The following CNTN4 variants were observed in gnomAD, a reference collection of about 807,000 sequenced individuals.
CNTN4 encodes contactin 4, also known as contactin-4.
CNTN4 carries 77 observed loss-of-function variants against 122.5 expected under a neutral mutation model. The observed-to-expected ratio is 0.63, with a 90% CI of 0.52 to 0.76. The LOEUF is 0.76. CNTN4 is among the 30% of genes least tolerant of loss of function. The pLI is 0.00. For missense variants in CNTN4, 1,256 were observed against 1,259.1 expected (o/e 1.00, Z 0.04); for synonymous variants, 512 against 447.0 (o/e 1.15, Z -1.83).
At chr3:2,323,130 A>C (rs2043327212) in intron 2 of CNTN4, among the ~76,000 whole-genome samples, 1 of 152,116 alleles carries the variant, frequency 6.6e-6, no homozygotes, top group Non-Finnish European at 1.5e-5. Context: ...CAATAACAAC[A>C]ACCATATACC....
intron 4 of CNTN4, among the ~76,000 whole-genome samples, chr3:2,713,814 A>T (rs1033891724): frequency 4.6e-5 from 7 of 152,208 alleles, no homozygotes; most frequent in African/African-American, 1.7e-4. Flanking sequence ...TAGGCTTTAG[A>T]TTCTCACAGA....
intron 3 of CNTN4, among the ~76,000 whole-genome samples, chr3:2,421,541 C>T (rs554697846): frequency 5.3e-5 from 8 of 152,210 alleles, no homozygotes; most frequent in African/African-American, 1.9e-4. Flanking sequence ...TGTTAGCCAC[C>T]GCTCCCAGCC....
At chr3:2,470,609 A>G (rs79371514) in intron 3 of CNTN4, among the ~76,000 whole-genome samples, 5,420 of 152,146 alleles carry the variant, frequency 0.036, 304 homozygotes, top group African/African-American at 0.12. Flanking sequence ...GTCTGCCACC[A>G]TGAGAGGCCA....
chr3:2,961,224 C>T (rs2094854650), intron 13 of CNTN4, among the ~76,000 whole-genome samples: 1 of 50,074 alleles, frequency 2.0e-5, no homozygotes, highest in Non-Finnish European at 4.3e-5. Context: ...AACGAGACTC[C>T]ATCTCACAAA....
chr3:3,021,172 T>C (rs1203682951), intron 14 of CNTN4, among the ~76,000 whole-genome samples: 2 of 152,196 alleles, frequency 1.3e-5, no homozygotes. Flanking sequence ...GTGAAAAGGT[T>C]GGTCCCACTT....
chr3:2,388,893 C>G (rs1414635379), intron 3 of CNTN4, among the ~76,000 whole-genome samples: 4 of 150,116 alleles, frequency 2.7e-5, no homozygotes, highest in Non-Finnish European at 1.5e-5. Context: ...CGCAGTGTCT[C>G]ACGCCTGTAA....
chr3:2,582,118 T>A (rs2079969916), intron 4 of CNTN4, among the ~76,000 whole-genome samples: 1 of 152,196 alleles, frequency 6.6e-6, no homozygotes, highest in Non-Finnish European at 1.5e-5. Context: ...CACTTAACTG[T>A]ACATTTTAAA....
intron 5 of CNTN4, among the ~76,000 whole-genome samples, chr3:2,737,105 G>A (rs2149495915): frequency 6.6e-6 from 1 of 151,536 alleles, no homozygotes; most frequent in South Asian, 2.1e-4. Flanking sequence ...TTTCGAGACA[G>A]GGTCTCCCTC....
chr3:2,611,584 A>C (rs1028424881), intron 4 of CNTN4, among the ~76,000 whole-genome samples: 1 of 152,146 alleles, frequency 6.6e-6, no homozygotes, highest in Admixed American at 6.6e-5. Context: ...CGTTCACACC[A>C]TTCCTCTCTT....
chr3:2,924,311 C>T (rs1392276880), intron 12 of CNTN4, among the ~76,000 whole-genome samples: 2 of 151,620 alleles, frequency 1.3e-5, no homozygotes, highest in African/African-American at 4.8e-5. Flanking sequence ...CCCCCATTAC[C>T]CCCCAAGCCC....
At chr3:2,754,755 AAAAG>A (rs1219926644) in intron 6 of CNTN4, among the ~76,000 whole-genome samples, 2 of 150,390 alleles carry the variant, frequency 1.3e-5, no homozygotes, top group East Asian at 4.3e-4. Flanking sequence ...GAAAAAAAAA[AAAAG>A]AAAAGAAAAA....
intron 10 of CNTN4, among the ~76,000 whole-genome samples, chr3:2,895,840 C>T (rs546840249): frequency 2.6e-5 from 4 of 152,178 alleles, no homozygotes; most frequent in Non-Finnish European, 4.4e-5. Context: ...CGAGACCATC[C>T]TGGCTAACAG....
chr3:2,849,634 C>A (rs894493407), intron 7 of CNTN4, among the ~76,000 whole-genome samples: 1 of 152,142 alleles, frequency 6.6e-6, no homozygotes, highest in African/African-American at 2.4e-5. Flanking sequence ...TTGGCTGTTC[C>A]CTACTTTACA....
intron 2 of CNTN4, among the ~76,000 whole-genome samples, chr3:2,257,500 G>T (rs1451416531): frequency 6.6e-6 from 1 of 151,816 alleles, no homozygotes; most frequent in Non-Finnish European, 1.5e-5. Flanking sequence ...GAGTGAACAG[G>T]CAACACAGTA....
intron 3 of CNTN4, among the ~76,000 whole-genome samples, chr3:2,560,832 A>G (rs1349846000): frequency 6.6e-6 from 1 of 152,184 alleles, no homozygotes; most frequent in Non-Finnish European, 1.5e-5. Context: ...GTCAGTTACT[A>G]GATGTTCAGT....
chr3:2,577,917 T>C (rs1012779228), intron 4 of CNTN4, among the ~76,000 whole-genome samples: 1 of 152,208 alleles, frequency 6.6e-6, no homozygotes, highest in African/African-American at 2.4e-5. Flanking sequence ...TCAGCAATTA[T>C]CTCTTTCTGA....
At chr3:2,356,076 G>A (rs2044858852) in intron 3 of CNTN4, among the ~76,000 whole-genome samples, 1 of 152,086 alleles carries the variant, frequency 6.6e-6, no homozygotes, top group African/African-American at 2.4e-5. Flanking sequence ...ACAGGTATTG[G>A]TGTTTCCACT....
At chr3:2,277,947 TC>T (rs201770745) in intron 2 of CNTN4, among the ~76,000 whole-genome samples, 1 of 151,818 alleles carries the variant, frequency 6.6e-6, no homozygotes, top group Non-Finnish European at 1.5e-5. Context: ...ATTTTTTTTT[TC>T]GCAGAAAATT....
chr3:2,451,296 A>G (rs2048820467), intron 3 of CNTN4, among the ~76,000 whole-genome samples: 1 of 152,100 alleles, frequency 6.6e-6, no homozygotes, highest in Non-Finnish European at 1.5e-5. Flanking sequence ...CTAAAATTTA[A>G]TTAGATTTTT....
Sources: gnomAD v4.1 joint callset for allele counts (sites outside exome capture counted in the v4.1 genomes callset) on GRCh38, gnomAD v4.1.1 for gene constraint, MANE v1.5 for transcripts, NCBI Gene and HGNC (gene_info 2026-07-23, HGNC 2026-07-21) for gene names.